Variants in ATP8A2 observed in about 807,000 individuals in gnomAD.
ATP8A2 encodes ATPase phospholipid transporting 8A2.
In ATP8A2, 100 loss-of-function variants were observed where a neutral mutation model predicts 165.6. That is an observed-to-expected ratio of 0.60 (90% CI 0.51 to 0.71). The LOEUF is 0.71. Among genes scored for constraint, ATP8A2 ranks in the 30% least tolerant of loss-of-function variants. ATP8A2 has a pLI of 0.00. For missense variants in ATP8A2, 1,227 were observed against 1,479.5 expected (o/e 0.83, Z 2.80); for synonymous variants, 543 against 548.8 (o/e 0.99, Z 0.15).
chr13:25,733,694 A>G (rs2043704661), intron 25 of ATP8A2, among the ~76,000 whole-genome samples: 1 of 152,316 alleles, frequency 6.6e-6, no homozygotes, highest in Admixed American at 6.5e-5. Context: ...AAAACATTGT[A>G]TCACTTAATC....
intron 35 of ATP8A2, among the ~76,000 whole-genome samples, chr13:25,984,764 C>T (rs1185891718): frequency 1.3e-5 from 2 of 152,144 alleles, no homozygotes; most frequent in Admixed American, 6.5e-5. Context: ...CTTGTGAGAA[C>T]TAGTTATTGA....
At chr13:25,725,917 T>C (rs986135725) in intron 25 of ATP8A2, among the ~76,000 whole-genome samples, 1 of 152,232 alleles carries the variant, frequency 6.6e-6, no homozygotes, top group Non-Finnish European at 1.5e-5. Context: ...AGTAGGAGTT[T>C]TATTTGTGTT....
chr13:25,411,680 C>G (rs769427566), intron 1 of ATP8A2, among the ~76,000 whole-genome samples: 6 of 152,024 alleles, frequency 3.9e-5, no homozygotes, highest in Non-Finnish European at 8.8e-5. Context: ...TTAAAAAGTG[C>G]ATGTTTATTT....
At chr13:25,941,055 A>G (rs1955056718) in intron 33 of ATP8A2, among the ~76,000 whole-genome samples, 1 of 152,056 alleles carries the variant, frequency 6.6e-6, no homozygotes, top group Non-Finnish European at 1.5e-5. Flanking sequence ...CTCCACACCC[A>G]CAATTCCTCA....
intron 1 of ATP8A2, among the ~76,000 whole-genome samples, chr13:25,442,191 C>G (rs2034949345): frequency 1.3e-5 from 2 of 152,186 alleles, no homozygotes; most frequent in African/African-American, 4.8e-5. Context: ...GTGAATAGTG[C>G]TGCTATAAAC....
chr13:25,682,264 C>A (rs7358795), intron 24 of ATP8A2, among the ~76,000 whole-genome samples: 4 of 152,034 alleles, frequency 2.6e-5, no homozygotes, highest in African/African-American at 9.7e-5. Context: ...TGTGGGTTTC[C>A]CTGTTAATCG....
chr13:25,493,381 C>T (rs917438515), intron 2 of ATP8A2, among the ~76,000 whole-genome samples: 8 of 152,226 alleles, frequency 5.3e-5, no homozygotes, highest in African/African-American at 1.9e-4. Context: ...AGAAAATCCC[C>T]ACAGAGATCC....
intron 13 of ATP8A2, among the ~76,000 whole-genome samples, chr13:25,555,434 C>G (rs1175532158): frequency 6.6e-6 from 1 of 151,984 alleles, no homozygotes; most frequent in African/African-American, 2.4e-5. Context: ...CGTGTGGGGG[C>G]CAATTTAAAG....
intron 1 of ATP8A2, among the ~76,000 whole-genome samples, chr13:25,439,202 C>A (rs77121024): frequency 0.018 from 2,686 of 152,246 alleles, 83 homozygotes; most frequent in African/African-American, 0.061. Context: ...AAGGGCAGTT[C>A]GGGGTAATTC....
chr13:25,446,147 T>C (rs2035062430), intron 1 of ATP8A2, among the ~76,000 whole-genome samples: 1 of 152,188 alleles, frequency 6.6e-6, no homozygotes, highest in Admixed American at 6.5e-5. Flanking sequence ...ACCCTTGGGC[T>C]GTCCTATCAG....
At chr13:25,770,895 C>G (rs1389743061) in intron 26 of ATP8A2, among the ~76,000 whole-genome samples, 1 of 152,222 alleles carries the variant, frequency 6.6e-6, no homozygotes, top group Non-Finnish European at 1.5e-5. Flanking sequence ...ACCCCTTCAA[C>G]CTGAAATCAG....
At chr13:25,961,374 AAAGT>A (rs1374661138) in intron 33 of ATP8A2, among the ~76,000 whole-genome samples, 197 bp from the exon 34 acceptor site, 1 of 152,238 alleles carries the variant, frequency 6.6e-6, no homozygotes, top group Non-Finnish European at 1.5e-5. Context: ...TAGAAGAATG[AAAGT>A]AAGAAGAGAG....
intron 24 of ATP8A2, among the ~76,000 whole-genome samples, chr13:25,659,092 A>G (rs1395043206): frequency 2.0e-5 from 3 of 152,178 alleles, no homozygotes; most frequent in Admixed American, 1.3e-4. Context: ...TGCCTAAGAA[A>G]TCGTCTCCCT....
At chr13:25,963,909 TAAATC>T (rs1034157793) in intron 34 of ATP8A2, among the ~76,000 whole-genome samples, 4 of 152,216 alleles carry the variant, frequency 2.6e-5, no homozygotes, top group African/African-American at 7.2e-5. Flanking sequence ...TTAACAAGGA[TAAATC>T]AAATGACACT....
chr13:25,973,986 C>T (rs1262479531), intron 35 of ATP8A2, among the ~76,000 whole-genome samples: 3 of 152,202 alleles, frequency 2.0e-5, no homozygotes, highest in Non-Finnish European at 4.4e-5. Flanking sequence ...TTTCAGCAAA[C>T]CTCTCCAGGC....
At chr13:25,610,218 T>G (rs1311152617) in intron 24 of ATP8A2, among the ~76,000 whole-genome samples, 1 of 152,118 alleles carries the variant, frequency 6.6e-6, no homozygotes, top group Non-Finnish European at 1.5e-5. Flanking sequence ...GTTTTTCCAA[T>G]GTTATCTTCT....
At chr13:25,849,465 G>A (rs372527818) in intron 30 of ATP8A2, among the ~76,000 whole-genome samples, 34 of 152,244 alleles carry the variant, frequency 2.2e-4, no homozygotes, top group African/African-American at 8.2e-4. Flanking sequence ...TTATAAAATG[G>A]CATCAACCTA....
intron 27 of ATP8A2, among the ~76,000 whole-genome samples, chr13:25,803,507 G>C (rs1950664079): frequency 6.6e-6 from 1 of 152,186 alleles, no homozygotes; most frequent in African/African-American, 2.4e-5. Context: ...TTGTAAAGAT[G>C]TGGCCCAGAT....
chr13:25,862,248 G>A, intron 32 of ATP8A2, 53 bp from the exon 33 acceptor site: 1 of 1,345,144 alleles, frequency 7.4e-7, no homozygotes. Flanking sequence ...GAGTTGGGGT[G>A]AATCTGCCAG....
Sources: allele counts gnomAD v4.1 joint callset (sites outside exome capture counted in the v4.1 genomes callset), GRCh38; gene constraint gnomAD v4.1.1; transcripts MANE v1.5; gene names NCBI Gene and HGNC (gene_info 2026-07-23, HGNC 2026-07-21).